Variants in VTI1A observed in about 807,000 individuals in gnomAD.
The protein encoded by VTI1A is vesicle transport through interaction with t-SNAREs 1A.
VTI1A carries 22 observed loss-of-function variants against 34.9 expected under a neutral mutation model. That is an observed-to-expected ratio of 0.63 (90% CI 0.45 to 0.90). The LOEUF (loss-of-function observed/expected upper bound fraction) is 0.90. Among genes scored for constraint, VTI1A ranks in the 40% least tolerant of loss-of-function variants. The probability of loss-of-function intolerance (pLI) is 0.00; values close to 1 mark genes in which losing one functional copy is unlikely to be tolerated. For synonymous variants in VTI1A, 87 were observed against 97.3 expected (o/e 0.89, Z 0.62); for missense variants, 268 against 275.6 (o/e 0.97, Z 0.20).
chr10:112,565,227 G>A (rs1838069102), intron 5 of VTI1A, among the ~76,000 whole-genome samples: 1 of 152,174 alleles, frequency 6.6e-6, no homozygotes, highest in Non-Finnish European at 1.5e-5. Context: ...TTTAAAATTT[G>A]TAGTGTATTT....
At chr10:112,488,578 T>TGA (rs1346251618) in intron 3 of VTI1A, among the ~76,000 whole-genome samples, 5 of 152,226 alleles carry the variant, frequency 3.3e-5, no homozygotes, top group Admixed American at 3.3e-4. Flanking sequence ...CTATATTATT[T>TGA]GATTCTGTAT....
At position 112,526,897 on chromosome 10, in the gene VTI1A, A is replaced by C. The variant is rs149432059; in HGVS notation, c.265-190A>C. On this transcript the variant is annotated intron_variant, in intron 3 of 7. Transcript: ENST00000393077. ...AGTTTCCTTTCATTATTGGCATCTT[A>C]TAAACTTCTAATTTACATGAAACTT... 2.6e-4 allele frequency among the ~76,000 whole-genome samples: 39 copies of C among 152,286 alleles called. 2 individuals carry two copies. The East Asian group carries it at 7.1e-3, about 28-fold the overall frequency.
chr10:112,576,915 C>T (rs1843731951), intron 5 of VTI1A, among the ~76,000 whole-genome samples: 1 of 152,084 alleles, frequency 6.6e-6, no homozygotes, highest in Non-Finnish European at 1.5e-5. Flanking sequence ...GCCTTGCTAA[C>T]TACAGATAGT....
At chr10:112,529,233 A>G (rs1850345400) in intron 4 of VTI1A, among the ~76,000 whole-genome samples, 1 of 152,114 alleles carries the variant, frequency 6.6e-6, no homozygotes, top group Admixed American at 6.5e-5. Context: ...TTGAGGTGTA[A>G]AAGTTCAAAG....
At chr10:112,589,197 A>T (rs143624059) in intron 5 of VTI1A, among the ~76,000 whole-genome samples, 6 of 152,138 alleles carry the variant, frequency 3.9e-5, no homozygotes, top group Non-Finnish European at 8.8e-5. Flanking sequence ...TCCCCACCCA[A>T]ATCTCATCTT....
chr10:112,448,234 C>T (rs890578055), intron 1 of VTI1A: 1 of 152,128 alleles, frequency 6.6e-6, no homozygotes, highest in African/African-American at 2.4e-5. Flanking sequence ...ACCCCCCACC[C>T]CCATTTCTTG....
intron 5 of VTI1A, chr10:112,634,198 G>A (rs1363807709): frequency 6.5e-6 from 1 of 154,410 alleles, no homozygotes; most frequent in Admixed American, 6.6e-5. Flanking sequence ...TGTTTTCCTT[G>A]CCTGTGGCAA....
chr10:112,737,644 G>A (rs1175622284), intron 7 of VTI1A: 18 of 1,050,610 alleles, frequency 1.7e-5, no homozygotes, highest in South Asian at 4.6e-5. Context: ...AAACACAGGG[G>A]TACCTCAAAA....
intron 7 of VTI1A, among the ~76,000 whole-genome samples, chr10:112,678,932 G>A (rs1848121676): frequency 6.6e-6 from 1 of 152,204 alleles, no homozygotes; most frequent in Admixed American, 6.5e-5. Context: ...TTGTAATGCT[G>A]ACAATTCTGA....
intron 7 of VTI1A, among the ~76,000 whole-genome samples, chr10:112,732,722 AT>A: frequency 6.6e-6 from 1 of 152,240 alleles, no homozygotes; most frequent in African/African-American, 2.4e-5. Flanking sequence ...CTTCCTGATG[AT>A]GCACTGAGCA....
At chr10:112,830,819 C>A in the VTI1A span, among the ~76,000 whole-genome samples, 2 of 73,794 alleles carry the variant, frequency 2.7e-5, no homozygotes, top group African/African-American at 5.0e-5. Context: ...TCCCTAAAAC[C>A]CTCATATATA....
chr10:112,551,228 A>G (rs1851347894), intron 5 of VTI1A, among the ~76,000 whole-genome samples: 1 of 138,196 alleles, frequency 7.2e-6, no homozygotes, highest in Admixed American at 7.7e-5. Flanking sequence ...TGGGCGGCAC[A>G]GCGATACTCC....
At chr10:112,837,633 T>C in the VTI1A span, among the ~76,000 whole-genome samples, 1 of 152,168 alleles carries the variant, frequency 6.6e-6, no homozygotes, top group Non-Finnish European at 1.5e-5. Flanking sequence ...ATCTGCAAGA[T>C]GGGAGGGCTT....
chr10:112,618,520 T>TAGAG lies in VTI1A; in HGVS notation c.428-49697_428-49696insGAGA, dbSNP rs1249234028. ...ATATATATATATATATATATATATA[T>TAGAG]ATATAGAGAGAGAGAGAGAGAGAGA... On this transcript the variant is annotated intron_variant, in intron 5 of 7. Coordinates refer to ENST00000393077, the MANE Select transcript of VTI1A (RefSeq NM_145206.4). Among the ~76,000 whole-genome samples, 269 of 46,116 alleles carry TAGAG rather than the reference T, an allele frequency of 5.8e-3. 1 individual carries two copies. Among genetic ancestry groups the TAGAG allele is most frequent in the East Asian group, 0.016 (18 of 1,094 alleles). The allele number at this position is 46,116 out of a possible 152,430, so 30.3% of individuals were successfully genotyped here. A position where few individuals can be genotyped will look rare whatever the true frequency, so the allele number is the denominator to read the frequency against.
At chr10:112,730,111 G>T (rs753099455) in intron 7 of VTI1A, among the ~76,000 whole-genome samples, 2 of 152,198 alleles carry the variant, frequency 1.3e-5, no homozygotes, top group Admixed American at 6.5e-5. Flanking sequence ...AATTATGCTG[G>T]CCTTTTGTAC....
chr10:112,739,873 A>G (rs1850631398), intron 7 of VTI1A, among the ~76,000 whole-genome samples: 1 of 152,234 alleles, frequency 6.6e-6, no homozygotes, highest in African/African-American at 2.4e-5. Flanking sequence ...GAAAGTGGAA[A>G]CATAAGCATG....
At chr10:112,604,711 A>G (rs1202258168) in intron 5 of VTI1A, among the ~76,000 whole-genome samples, 2 of 152,168 alleles carry the variant, frequency 1.3e-5, no homozygotes, top group Non-Finnish European at 2.9e-5. Flanking sequence ...AGAAAATACT[A>G]TGTGTAAGTT....
At chr10:112,713,262 C>G (rs1041981752) in intron 7 of VTI1A, among the ~76,000 whole-genome samples, 1 of 152,140 alleles carries the variant, frequency 6.6e-6, no homozygotes, top group Non-Finnish European at 1.5e-5. Context: ...TTACTTAATC[C>G]TTTTAGTAAT....
At chr10:112,523,713 A>G (rs778426628) in intron 3 of VTI1A, among the ~76,000 whole-genome samples, 5 of 152,124 alleles carry the variant, frequency 3.3e-5, no homozygotes, top group African/African-American at 1.2e-4. Flanking sequence ...ATAAAGCACC[A>G]GTAGACAGTG....
Sources: gnomAD v4.1 joint callset for allele counts (sites outside exome capture counted in the v4.1 genomes callset) on GRCh38, gnomAD v4.1.1 for gene constraint, MANE v1.5 for transcripts, NCBI Gene and HGNC (gene_info 2026-07-23, HGNC 2026-07-21) for gene names.